The following PITPNB variants were observed in gnomAD, a reference collection of about 807,000 sequenced individuals.
PITPNB encodes phosphatidylinositol transfer protein beta.
In PITPNB, 16 loss-of-function variants were observed where a neutral mutation model predicts 45.9. That is an observed-to-expected ratio of 0.35 (90% CI 0.24 to 0.53). The LOEUF is 0.53. Among genes scored for constraint, PITPNB ranks in the 20% least tolerant of loss-of-function variants. The pLI is 0.93. For synonymous variants in PITPNB, 112 were observed against 108.9 expected, an observed-to-expected ratio of 1.03 and a Z score of -0.18; for missense variants, 188 against 330.5, an observed-to-expected ratio of 0.57 and a Z score of 3.34.
intron 2 of PITPNB, 50 bp from the exon 3 acceptor site, chr22:27,911,159 A>T: frequency 7.4e-7 from 1 of 1,352,792 alleles, no homozygotes; most frequent in Non-Finnish European, 1.1e-6. Flanking sequence ...GTAACTGCAG[A>T]AATTTAGTAT....
chr22:27,859,097 CAAG>C (rs1934248021), intron 9 of PITPNB, among the ~76,000 whole-genome samples: 1 of 152,098 alleles, frequency 6.6e-6, no homozygotes, highest in Non-Finnish European at 1.5e-5. Context: ...TCAGCTTTCC[CAAG>C]AAGAGAGAAA....
At chr22:27,916,360 G>A (rs1569039006) in intron 1 of PITPNB, among the ~76,000 whole-genome samples, 3 of 152,160 alleles carry the variant, frequency 2.0e-5, no homozygotes. Flanking sequence ...TCAAATGTCT[G>A]AAAATCCTCA....
At chr22:27,860,466 T>G in intron 8 of PITPNB, 1 of 418,748 alleles carries the variant, frequency 2.4e-6, no homozygotes, top group Middle Eastern at 6.7e-4. Context: ...CTCTAAAGTT[T>G]AATAGGTATG....
chr22:27,909,561 A>G (rs992778803), intron 3 of PITPNB, among the ~76,000 whole-genome samples: 4 of 152,202 alleles, frequency 2.6e-5, no homozygotes, highest in Non-Finnish European at 5.9e-5. Context: ...ATAAAGAAAT[A>G]CAAATTTTAA....
chr22:27,917,556 C>A (rs1343233686), intron 1 of PITPNB, among the ~76,000 whole-genome samples: 1 of 152,178 alleles, frequency 6.6e-6, no homozygotes, highest in Admixed American at 6.5e-5. Context: ...ATATTCAGTA[C>A]TATAAATAAG....
intron 8 of PITPNB, among the ~76,000 whole-genome samples, chr22:27,861,176 T>C (rs1017049783): frequency 3.3e-5 from 5 of 151,714 alleles, no homozygotes; most frequent in Non-Finnish European, 7.4e-5. Context: ...ACTAAAAAAT[T>C]ACAAAAATTT....
chr22:27,862,684 T>A (rs1344143736), intron 8 of PITPNB, among the ~76,000 whole-genome samples: 1 of 152,220 alleles, frequency 6.6e-6, no homozygotes, highest in Non-Finnish European at 1.5e-5. Context: ...TACAAACCCA[T>A]ATTTTAGTAA....
At chr22:27,861,495 T>G (rs1379788660) in intron 8 of PITPNB, among the ~76,000 whole-genome samples, 1 of 152,108 alleles carries the variant, frequency 6.6e-6, no homozygotes, top group Non-Finnish European at 1.5e-5. Flanking sequence ...ATCAGTGACT[T>G]AAATATACAG....
At chr22:27,859,595 A>C (rs1217677990) in intron 9 of PITPNB, among the ~76,000 whole-genome samples, 8 of 152,236 alleles carry the variant, frequency 5.3e-5, no homozygotes, top group Non-Finnish European at 1.2e-4. Flanking sequence ...AATAAAGAAG[A>C]CATAAAAAAG....
chr22:27,894,388 G>A, intron 7 of PITPNB, 167 bp downstream of exon 7: 1 of 510,972 alleles, frequency 2.0e-6, no homozygotes, highest in Non-Finnish European at 3.5e-6. Context: ...TGGTCTCTTT[G>A]CTGCACAGAC....
intron 7 of PITPNB, among the ~76,000 whole-genome samples, chr22:27,874,433 A>G (rs1934759184): frequency 6.6e-6 from 1 of 152,158 alleles, no homozygotes; most frequent in African/African-American, 2.4e-5. Flanking sequence ...CTGTCAAAGG[A>G]GGCGAAGGAG....
chr22:27,862,181 G>A (rs1934358223), intron 8 of PITPNB, among the ~76,000 whole-genome samples: 1 of 152,138 alleles, frequency 6.6e-6, no homozygotes, highest in African/African-American at 2.4e-5. Context: ...AAAGCTGCGT[G>A]TGAGCAAAGA....
At chr22:27,859,632 T>C (rs573774214) in intron 9 of PITPNB, among the ~76,000 whole-genome samples, 7 of 152,340 alleles carry the variant, frequency 4.6e-5, no homozygotes, top group Non-Finnish European at 8.8e-5. Context: ...GATCCTCAGA[T>C]TGTGTACCTT....
At chr22:27,870,785 T>A (rs532857495) in intron 8 of PITPNB, among the ~76,000 whole-genome samples, 1 of 152,366 alleles carries the variant, frequency 6.6e-6, no homozygotes, top group Admixed American at 6.5e-5. Context: ...GGTTCCTATT[T>A]TCCTGTATGC....
At chr22:27,918,119 G>A (rs1936138838) in intron 1 of PITPNB, among the ~76,000 whole-genome samples, 1 of 152,164 alleles carries the variant, frequency 6.6e-6, no homozygotes. Flanking sequence ...AAAAAAAAGT[G>A]TAAAGCCTTG....
intron 3 of PITPNB, among the ~76,000 whole-genome samples, chr22:27,909,207 C>CTTTTTTTTTTTTT (rs34224616): frequency 1.2e-5 from 1 of 82,246 alleles, no homozygotes; most frequent in Non-Finnish European, 2.2e-5. Flanking sequence ...ACTGGTAGTA[C>CTTTTTTTTTTTTT]TTTTTTTTTT....
chr22:27,872,529 T>A (rs575094012), intron 8 of PITPNB, among the ~76,000 whole-genome samples: 3 of 152,330 alleles, frequency 2.0e-5, no homozygotes, highest in African/African-American at 7.2e-5. Flanking sequence ...ATAATATAGT[T>A]ATGAATCATT....
intron 8 of PITPNB, among the ~76,000 whole-genome samples, chr22:27,865,125 TC>T (rs1934447249): frequency 6.6e-6 from 1 of 152,182 alleles, no homozygotes; most frequent in African/African-American, 2.4e-5. Context: ...CTAATTTTTT[TC>T]TTTTGTGTAC....
chr22:27,876,371 T>C (rs927578724), intron 7 of PITPNB, among the ~76,000 whole-genome samples: 2 of 152,242 alleles, frequency 1.3e-5, no homozygotes, highest in Non-Finnish European at 2.9e-5. Context: ...TCTCTGCTTT[T>C]TCTCCTCTTG....
Sources: gnomAD v4.1 joint callset for allele counts (sites outside exome capture counted in the v4.1 genomes callset) on GRCh38, gnomAD v4.1.1 for gene constraint, MANE v1.5 for transcripts, NCBI Gene and HGNC (gene_info 2026-07-23, HGNC 2026-07-21) for gene names.